LRRFIP1: variants seen among roughly 807,000 people sequenced by gnomAD.
LRRFIP1 encodes the protein leucine-rich repeat flightless-interacting protein 1.
A neutral mutation model predicts 104.4 loss-of-function variants in LRRFIP1; 62 were observed. The ratio of observed to expected loss-of-function variants is 0.59; its 90% confidence interval spans 0.48 to 0.73. The LOEUF is 0.73. Among genes scored for constraint, LRRFIP1 ranks in the 30% least tolerant of loss-of-function variants. LRRFIP1 has a pLI of 0.00. For synonymous variants in LRRFIP1, 300 were observed against 299.0 expected (o/e 1.00, Z -0.03); for missense variants, 796 against 824.5 (o/e 0.97, Z 0.42).
At position 237,760,152 on chromosome 2, in the gene LRRFIP1, A is replaced by G; in HGVS notation, c.1406A>G (p.Lys469Arg). 1 of 1,614,140 alleles carries G rather than the reference A, an allele frequency of 6.2e-7. No individual in the cohort carries two copies. The highest frequency in any genetic ancestry group is 8.5e-7 in the Non-Finnish European group (1 of 1,179,984). ...LNNVGYQGPTKMTKEELNALK... is the reference protein window; with the variant it reads ...LNNVGYQGPTRMTKEELNALK... ...AATGTTGGATACCAAGGTCCTACCA[A>G]GATGACAAAAGAAGAGTTAAATGCC... The change falls in exon 19 of 24, where the codon AAG (lysine) becomes AGG (arginine). Residue 469 changes from lysine (K) to arginine (R), a missense_variant. Lys to Arg is a conservative substitution (Grantham distance 26). Coordinates refer to ENST00000308482, the MANE Select transcript of LRRFIP1 (RefSeq NM_001137550.2).
rs2059706300 is a variant in LRRFIP1, at chr2:237,760,153, G to A, written c.1407G>A (p.Lys469=). The change falls in exon 19 of 24, where the codon AAG becomes AAA. Residue 469 remains lysine, a synonymous_variant. Transcript: ENST00000308482. ...ATGTTGGATACCAAGGTCCTACCAA[G>A]ATGACAAAAGAAGAGTTAAATGCCC... The part of the protein sequence containing the change: ...LNNVGYQGPT[K]MTKEELNALK... 6.2e-7 allele frequency: 1 copy of A among 1,614,130 alleles called. No individual in the cohort carries two copies. Among genetic ancestry groups the A allele is most frequent in the Non-Finnish European group, 8.5e-7 (1 of 1,179,996 alleles).
intron 1 of LRRFIP1, among the ~76,000 whole-genome samples, chr2:237,683,705 T>A (rs1473886790): frequency 6.6e-6 from 1 of 152,252 alleles, no homozygotes; most frequent in Non-Finnish European, 1.5e-5. Context: ...TTTTCCTTTA[T>A]GGAAATTCAT....
rs1014177940 is a variant in LRRFIP1 at position 237,680,431 on chromosome 2, C to A, written c.97-28113C>A. On this transcript the variant is annotated intron_variant, in intron 1 of 23. Transcript: ENST00000308482. Reference sequence around the variant, plus strand: ...TTATTCTCTAAACAATACAGTCTAACAACTATTTACATAGCATTTACATTG... The same window carrying A: ...TTATTCTCTAAACAATACAGTCTAAAAACTATTTACATAGCATTTACATTG... 2.0e-5 allele frequency among the ~76,000 whole-genome samples: 3 copies of A among 152,184 alleles called. No individual in the cohort carries two copies. The East Asian group carries it at 5.8e-4, about 29-fold the overall frequency.
intron 15 of LRRFIP1, among the ~76,000 whole-genome samples, chr2:237,754,421 A>G (rs1461030079): frequency 1.3e-5 from 2 of 151,216 alleles, no homozygotes; most frequent in African/African-American, 2.4e-5. Context: ...ATGTGTTAAG[A>G]TAAGTAATGA....
intron 6 of LRRFIP1, chr2:237,721,267 T>A: frequency 6.1e-6 from 1 of 163,710 alleles, no homozygotes; most frequent in South Asian, 1.6e-4. Context: ...GCATAGCCAC[T>A]ATAGACTGCC....
At chr2:237,706,917 C>T (rs2093839973) in intron 1 of LRRFIP1, among the ~76,000 whole-genome samples, 2 of 152,348 alleles carry the variant, frequency 1.3e-5, no homozygotes. Context: ...GCCTGAGCCA[C>T]CATGCCTAGC....
intron 1 of LRRFIP1, among the ~76,000 whole-genome samples, chr2:237,700,964 G>A (rs2093489056): frequency 6.6e-6 from 1 of 152,124 alleles, no homozygotes; most frequent in Non-Finnish European, 1.5e-5. Flanking sequence ...TAGAATTCTG[G>A]ACCCCTAGGG....
chr2:237,778,548 C>T (rs777800816), intron 23 of LRRFIP1, among the ~76,000 whole-genome samples: 1 of 152,252 alleles, frequency 6.6e-6, no homozygotes, highest in Admixed American at 6.5e-5. Flanking sequence ...TGGGGACCAC[C>T]TTCGCCATGC....
Position 237,763,779 on chromosome 2 carries a change from C to T in LRRFIP1, c.1459+3574C>T, listed in dbSNP as rs192783478. 745 of 1,614,148 alleles carry T rather than the reference C, an allele frequency of 4.6e-4. No individual in the cohort carries two copies. The highest frequency in any genetic ancestry group is 6.2e-4 in the Non-Finnish European group (730 of 1,180,028). On this transcript the variant is annotated intron_variant, in intron 19 of 23. Coordinates refer to ENST00000308482, the MANE Select transcript of LRRFIP1 (RefSeq NM_001137550.2). ...GATGACACCGTTCAATCATCAGGCCCGAGGGCTGGTGGTGAAGAATTAGAT... is the reference window on the plus strand; with the variant it reads ...GATGACACCGTTCAATCATCAGGCCTGAGGGCTGGTGGTGAAGAATTAGAT...
chr2:237,689,468 C>T (rs1254492781), intron 1 of LRRFIP1, among the ~76,000 whole-genome samples: 1 of 152,172 alleles, frequency 6.6e-6, no homozygotes, highest in Non-Finnish European at 1.5e-5. Flanking sequence ...GAATCAGAAA[C>T]CAGCCATTAT....
At position 237,691,652 on chromosome 2, in the gene LRRFIP1, C is replaced by T. The variant is rs2092761460; in HGVS notation, c.97-16892C>T. The stretch of plus-strand genomic sequence containing the variant: ...CCTGAGGGTGATGGATGTGGGGGAG[C>T]CGGGAACTCATACCCTCGCCCAGCC... On this transcript the variant is annotated intron_variant, in intron 1 of 23. Transcript: ENST00000308482. The surrounding 1 kb of genome is among the most constrained non-coding windows in gnomAD (Gnocchi z 5.4). Among the ~76,000 whole-genome samples, 1 of 145,444 alleles carries T rather than the reference C, an allele frequency of 6.9e-6. No homozygotes were observed. Among genetic ancestry groups the T allele is most frequent in the South Asian group, 2.1e-4 (1 of 4,824 alleles).
At chr2:237,677,829 C>T (rs4459685) in intron 1 of LRRFIP1, among the ~76,000 whole-genome samples, 112,669 of 152,056 alleles carry the variant, frequency 0.74, 42,013 homozygotes, top group Middle Eastern at 0.85. Context: ...GCCTGGGTCC[C>T]TCTGCCTTCC....
intron 1 of LRRFIP1, among the ~76,000 whole-genome samples, chr2:237,679,588 C>A (rs1392510431): frequency 2.0e-5 from 3 of 152,108 alleles, no homozygotes; most frequent in Non-Finnish European, 4.4e-5. Context: ...AACAAAAAAC[C>A]AAAGCATTCC....
At chr2:237,666,775 C>CTTTCTTTCTCTT (rs1291349584) in intron 1 of LRRFIP1, among the ~76,000 whole-genome samples, 1 of 65,250 alleles carries the variant, frequency 1.5e-5, no homozygotes, top group African/African-American at 4.7e-5. Context: ...CTCTCTTTCT[C>CTTTCTTTCTCTT]TCTGTCTCTT....
At chr2:237,768,135 A>T (rs1025762358) in intron 19 of LRRFIP1, 1 of 152,198 alleles carries the variant, frequency 6.6e-6, no homozygotes, top group African/African-American at 2.4e-5. Context: ...TAACGCTACG[A>T]AAACTAGTAC....
intron 5 of LRRFIP1, 70 bp downstream of exon 5, chr2:237,719,637 G>GTA (rs1245426909): frequency 1.9e-6 from 2 of 1,069,360 alleles, no homozygotes; most frequent in East Asian, 2.4e-5. Flanking sequence ...AGTGGCTGAA[G>GTA]TATATATAAT....
chr2:237,762,703 A>C (rs148310744), intron 19 of LRRFIP1: 34 of 1,614,240 alleles, frequency 2.1e-5, no homozygotes, highest in Middle Eastern at 1.7e-4. Flanking sequence ...CAGAGGACAC[A>C]GTGAAGGACT....
intron 2 of LRRFIP1, among the ~76,000 whole-genome samples, chr2:237,710,404 C>G (rs1214035625): frequency 6.6e-6 from 1 of 152,044 alleles, no homozygotes; most frequent in African/African-American, 2.4e-5. Flanking sequence ...CTGCCTCAGC[C>G]TCCTGAGTAG....
chr2:237,719,547 A>G lies in LRRFIP1; in HGVS notation c.274A>G (p.Arg92Gly), dbSNP rs2094463680. 6.2e-7 allele frequency: 1 copy of G among 1,613,672 alleles called. No homozygotes were observed. Among genetic ancestry groups the G allele is most frequent in the East Asian group, 2.2e-5 (1 of 44,860 alleles). Residue 92 changes from arginine to glycine, a missense_variant, in exon 5 of 24, where the codon AGA becomes GGA. Physicochemically the swap from Arg to Gly is moderately radical, Grantham distance 125 (BLOSUM62 -2). Coordinates refer to ENST00000308482, the MANE Select transcript of LRRFIP1 (RefSeq NM_001137550.2). Reference sequence around the variant, plus strand: ...GGAAGACAGTGAGCGCTACTCTCGTAGATCCAGAAGAAACACATCGGTTAG... The same window carrying G: ...GGAAGACAGTGAGCGCTACTCTCGTGGATCCAGAAGAAACACATCGGTTAG... ...WMEDSERYSR[R>G]SRRNTSASDE...
Sources: allele counts gnomAD v4.1 joint callset (sites outside exome capture counted in the v4.1 genomes callset), GRCh38; gene constraint gnomAD v4.1.1; non-coding constraint Gnocchi (gnomAD v3.1); transcripts MANE v1.5; gene names NCBI Gene and HGNC (gene_info 2026-07-23, HGNC 2026-07-21).